The following ZNF503 variants were observed in gnomAD, a reference collection of about 807,000 sequenced individuals.
The protein encoded by ZNF503 is zinc finger protein 503.
In ZNF503, 15 loss-of-function variants were observed where a neutral mutation model predicts 34.4. The ratio of observed to expected loss-of-function variants is 0.44; its 90% confidence interval spans 0.29 to 0.67. The LOEUF (loss-of-function observed/expected upper bound fraction) is 0.67. ZNF503 is among the 30% of genes least tolerant of loss of function. ZNF503 has a pLI of 0.13. For synonymous variants in ZNF503, 580 were observed against 456.8 expected, an observed-to-expected ratio of 1.27 and a Z score of -3.44; for missense variants, 1,007 against 926.8, an observed-to-expected ratio of 1.09 and a Z score of -1.12.
At chr10:75,368,778 C>G in the ZNF503 span, among the ~76,000 whole-genome samples, 3 of 152,214 alleles carry the variant, frequency 2.0e-5, no homozygotes, top group African/African-American at 7.2e-5. Flanking sequence ...AAGTGGTTTA[C>G]TAATGGATGG....
the ZNF503 span, among the ~76,000 whole-genome samples, chr10:75,387,904 A>T: frequency 1.3e-5 from 2 of 152,214 alleles, no homozygotes; most frequent in African/African-American, 4.8e-5. Context: ...GGCTCTCTGC[A>T]TCAGATGGGC....
In ZNF503 at chr10:75,399,888, C is replaced by T; in HGVS notation, c.802G>A (p.Gly268Arg). ...TDVGGGGKGT[G>R]GASAEGGPTG... ...GGTCCCCCTTCGGCCGAGGCGCCCCCGGTGCCCTTGCCACCGCCGCCCACG... is the reference window on the plus strand; with the variant it reads ...GGTCCCCCTTCGGCCGAGGCGCCCCTGGTGCCCTTGCCACCGCCGCCCACG... Residue 268 changes from glycine (G) to arginine (R), a missense_variant, in exon 2 of 2, where the codon GGG becomes AGG. Transcript: ENST00000372524. 1.2e-6 allele frequency: 2 copies of T among 1,601,670 alleles called. No homozygotes were observed. The highest frequency in any genetic ancestry group is 1.7e-6 in the Non-Finnish European group (2 of 1,175,974).
chr10:75,398,776 GGTCA>G lies in ZNF503; in HGVS notation c.1910_1913del (p.Leu637ProfsTer39). 7.0e-7 allele frequency: 1 copy of G among 1,433,802 alleles called. No individual in the cohort carries two copies. 88.8% of individuals were successfully genotyped at this position (1,433,802 alleles called of 1,614,324 possible). A position where few individuals can be genotyped will look rare whatever the true frequency, so the allele number is the denominator to read the frequency against. On this transcript the variant is annotated frameshift_variant, in exon 2 of 2. Transcript: ENST00000372524. LOFTEE classifies it high-confidence loss of function. ...ACTGATACCCCAGCGCCGAGGCGGT[GGTCA>G]GTCTCTGTCCGTAGAGGGCGTAGGG... is the stretch of plus-strand genomic sequence containing the variant.
the ZNF503 span, among the ~76,000 whole-genome samples, chr10:75,332,440 GTTA>G: frequency 6.9e-6 from 1 of 145,436 alleles, no homozygotes; most frequent in African/African-American, 2.5e-5. Context: ...CTTAATGTCA[GTTA>G]TTGTGTTTTT....
chr10:75,299,759 C>T, the ZNF503 span, among the ~76,000 whole-genome samples: 199 of 152,138 alleles, frequency 1.3e-3, 6 homozygotes, highest in South Asian at 0.039. Context: ...TGATGCCTGC[C>T]GAGCCGTGAA....
At chr10:75,283,336 C>T in the ZNF503 span, 6 of 152,318 alleles carry the variant, frequency 3.9e-5, no homozygotes, top group Non-Finnish European at 8.8e-5. Context: ...AAGGCGTGCG[C>T]ACATTTGTCA....
chr10:75,397,805 T>G (rs948398041), downstream of ZNF503: 2 of 152,582 alleles, frequency 1.3e-5, no homozygotes, highest in Non-Finnish European at 2.9e-5. Context: ...ATGCTCTCTT[T>G]AACCAAAATA....
the ZNF503 span, among the ~76,000 whole-genome samples, chr10:75,340,964 A>T: frequency 6.6e-6 from 1 of 152,224 alleles, no homozygotes; most frequent in Admixed American, 6.5e-5. Context: ...ATCCCAGGAC[A>T]ATATATTCAT....
At chr10:75,401,912 T>C, upstream of ZNF503, 1 of 188,092 alleles carries the variant, frequency 5.3e-6, no homozygotes, top group Non-Finnish European at 1.1e-5. Flanking sequence ...GCCAGGACTC[T>C]CAGTGCCGGT....
the ZNF503 span, among the ~76,000 whole-genome samples, chr10:75,333,349 A>C: frequency 5.4e-5 from 2 of 36,988 alleles, no homozygotes; most frequent in Admixed American, 2.4e-4. Flanking sequence ...ACTTCCCAGT[A>C]GGGGCGGCCG....
chr10:75,282,571 G>T, the ZNF503 span, among the ~76,000 whole-genome samples: 17 of 152,172 alleles, frequency 1.1e-4, no homozygotes, highest in African/African-American at 3.6e-4. Context: ...CTGTAGCTAG[G>T]CATTCTGTGA....
the ZNF503 span, among the ~76,000 whole-genome samples, chr10:75,309,462 A>G: frequency 6.6e-6 from 1 of 152,194 alleles, no homozygotes; most frequent in East Asian, 1.9e-4. Flanking sequence ...AACAACCACT[A>G]CCTTGATCAG....
chr10:75,366,446 T>C, the ZNF503 span, among the ~76,000 whole-genome samples: 1 of 152,192 alleles, frequency 6.6e-6, no homozygotes, highest in Non-Finnish European at 1.5e-5. Flanking sequence ...AGGATGGTGA[T>C]TGCCTGCTAC....
chr10:75,325,471 G>A, the ZNF503 span, among the ~76,000 whole-genome samples: 1 of 151,542 alleles, frequency 6.6e-6, no homozygotes, highest in African/African-American at 2.4e-5. Flanking sequence ...GGGATTACAG[G>A]TGCAAGGCAC....
the ZNF503 span, among the ~76,000 whole-genome samples, chr10:75,385,429 T>A: frequency 6.6e-6 from 1 of 152,262 alleles, no homozygotes; most frequent in Non-Finnish European, 1.5e-5. Context: ...CTCATCTTGC[T>A]CCACTCCATT....
chr10:75,283,944 T>G, the ZNF503 span: 4 of 152,216 alleles, frequency 2.6e-5, no homozygotes, highest in Non-Finnish European at 4.4e-5. Flanking sequence ...TTCTCATTCA[T>G]GCCAAACTGC....
chr10:75,394,346 C>T (rs547284755), downstream of ZNF503, among the ~76,000 whole-genome samples: 98 of 152,332 alleles, frequency 6.4e-4, no homozygotes, highest in African/African-American at 2.3e-3. Context: ...GGGCATAGCC[C>T]GTGACAGATG....
intron 1 of ZNF503, 171 bp downstream of exon 1, chr10:75,400,934 C>T (rs1843794066): frequency 4.1e-6 from 4 of 984,492 alleles, no homozygotes; most frequent in Non-Finnish European, 4.5e-6. Flanking sequence ...CATTCCACTT[C>T]CTCCCCCTTT....
chr10:75,333,112 C>T, the ZNF503 span, among the ~76,000 whole-genome samples: 1 of 143,810 alleles, frequency 7.0e-6, no homozygotes, highest in Non-Finnish European at 1.5e-5. Context: ...GGGCTGACCC[C>T]CCAACCTCCC....
Sources: allele counts gnomAD v4.1 joint callset (sites outside exome capture counted in the v4.1 genomes callset), GRCh38; gene constraint gnomAD v4.1.1; transcripts MANE v1.5; gene names NCBI Gene and HGNC (gene_info 2026-07-23, HGNC 2026-07-21).